Variants in UBE2V2 observed in about 807,000 individuals in gnomAD.
UBE2V2 encodes the protein ubiquitin-conjugating enzyme E2 variant 2.
UBE2V2 carries 9 observed loss-of-function variants against 17.2 expected under a neutral mutation model. The observed-to-expected ratio is 0.52, with a 90% confidence interval of 0.32 to 0.91. The LOEUF (loss-of-function observed/expected upper bound fraction) is 0.91, where lower values mean the gene tolerates loss of function less well. Ranked by LOEUF, UBE2V2 falls within the 40% of genes least tolerant of loss-of-function variation. The pLI is 0.04. For missense variants in UBE2V2, 133 were observed against 182.6 expected (o/e 0.73, Z 1.56); for synonymous variants, 61 against 57.5 (o/e 1.06, Z -0.28).
At chr8:48,009,805 TC>T (rs1215377013) in intron 1 of UBE2V2, among the ~76,000 whole-genome samples, 1 of 152,190 alleles carries the variant, frequency 6.6e-6, no homozygotes, top group Non-Finnish European at 1.5e-5. Flanking sequence ...GGTTTTAAGA[TC>T]TTTAGCAGTT....
At chr8:48,018,566 G>A (rs2091284917) in intron 1 of UBE2V2, among the ~76,000 whole-genome samples, 1 of 151,992 alleles carries the variant, frequency 6.6e-6, no homozygotes, top group Non-Finnish European at 1.5e-5. Flanking sequence ...TTATTTTGTG[G>A]CTTGACATAT....
intron 1 of UBE2V2, among the ~76,000 whole-genome samples, chr8:48,010,215 C>T (rs2091217915): frequency 3.3e-5 from 5 of 150,512 alleles, no homozygotes; most frequent in Admixed American, 3.3e-4. Flanking sequence ...AAATTATTAG[C>T]ATATTGTACA....
chr8:48,049,172 A>G (rs1188900058), intron 2 of UBE2V2, among the ~76,000 whole-genome samples: 3 of 152,214 alleles, frequency 2.0e-5, no homozygotes, highest in African/African-American at 7.2e-5. Flanking sequence ...CTGAATTCAG[A>G]TAATGGGATT....
intron 2 of UBE2V2, among the ~76,000 whole-genome samples, chr8:48,045,022 G>C (rs2091488452): frequency 1.3e-5 from 2 of 152,058 alleles, no homozygotes; most frequent in African/African-American, 4.8e-5. Context: ...TGCCATTCCT[G>C]GTGTCACCGA....
intron 2 of UBE2V2, among the ~76,000 whole-genome samples, chr8:48,048,626 T>G (rs2091515790): frequency 6.6e-6 from 1 of 152,216 alleles, no homozygotes. Flanking sequence ...ATGAGTTTTA[T>G]ATAGCTCTTT....
At chr8:48,021,782 G>C (rs1323055550) in intron 1 of UBE2V2, among the ~76,000 whole-genome samples, 1 of 151,734 alleles carries the variant, frequency 6.6e-6, no homozygotes, top group Non-Finnish European at 1.5e-5. Context: ...CTGCCTCCTG[G>C]GTTCGAGCAA....
intron 1 of UBE2V2, among the ~76,000 whole-genome samples, chr8:48,041,153 T>C (rs1029355713): frequency 2.7e-5 from 4 of 149,350 alleles, no homozygotes; most frequent in African/African-American, 9.8e-5. Flanking sequence ...CGTGAGCCAC[T>C]GTGCCCGGCC....
chr8:48,010,698 G>T (rs1450702283), intron 1 of UBE2V2, among the ~76,000 whole-genome samples: 251 of 98,666 alleles, frequency 2.5e-3, no homozygotes, highest in African/African-American at 8.2e-3. Flanking sequence ...GGGTTTGTTT[G>T]TTTTTTTTTT....
chr8:48,014,493 A>AAATTAGCC (rs2091254574), intron 1 of UBE2V2, among the ~76,000 whole-genome samples: 1 of 151,540 alleles, frequency 6.6e-6, no homozygotes, highest in South Asian at 2.1e-4. Flanking sequence ...AAAATACAAA[A>AAATTAGCC]AATTAGCCGA....
Position 48,027,494 on chromosome 8 carries a change from T to TTTTATTTA in UBE2V2, c.17-15530_17-15523dup, listed in dbSNP as rs1200121206. On this transcript the variant is annotated intron_variant, in intron 1 of 3. Coordinates refer to ENST00000523111, the MANE Select transcript of UBE2V2 (RefSeq NM_003350.3). The stretch of plus-strand genomic sequence containing the variant: ...AGTATCTTTTCATGTGCTTACTAGT[T>TTTTATTTA]TTTATTTATTTATTTAATTTTTTGA... Among the ~76,000 whole-genome samples the TTTTATTTA allele has an allele frequency of 3.9e-5, 6 of 152,252 alleles. No individual in the cohort carries two copies. The South Asian group carries it at 1.0e-3, about 26-fold the overall frequency.
upstream of UBE2V2, among the ~76,000 whole-genome samples, chr8:48,006,319 G>C (rs1334260376): frequency 6.6e-6 from 1 of 152,104 alleles, no homozygotes; most frequent in African/African-American, 2.4e-5. Flanking sequence ...AGATCAGATG[G>C]TTGTAGATAT....
intron 1 of UBE2V2, among the ~76,000 whole-genome samples, chr8:48,025,964 T>TAA (rs2091342663): frequency 6.6e-6 from 1 of 152,186 alleles, no homozygotes; most frequent in Non-Finnish European, 1.5e-5. Flanking sequence ...GGGAGTGTTT[T>TAA]AAGTGTTTGA....
intron 1 of UBE2V2, among the ~76,000 whole-genome samples, chr8:48,032,964 C>T (rs1476306630): frequency 6.6e-6 from 1 of 151,926 alleles, no homozygotes; most frequent in East Asian, 1.9e-4. Flanking sequence ...CATTTCTTTG[C>T]TGGATGAGTG....
chr8:48,049,760 C>T, intron 2 of UBE2V2, 93 bp from the exon 3 acceptor site: 1 of 1,142,834 alleles, frequency 8.8e-7, no homozygotes, highest in Non-Finnish European at 1.2e-6. Context: ...TACGTACATT[C>T]ATATTGTACT....
At chr8:48,019,848 G>T (rs1459579995) in intron 1 of UBE2V2, among the ~76,000 whole-genome samples, 1 of 152,056 alleles carries the variant, frequency 6.6e-6, no homozygotes, top group Non-Finnish European at 1.5e-5. Context: ...GGTGCCATAT[G>T]CCTATAATTC....
chr8:48,047,768 G>A (rs1346600186), intron 2 of UBE2V2, among the ~76,000 whole-genome samples: 3 of 151,952 alleles, frequency 2.0e-5, no homozygotes, highest in South Asian at 4.2e-4. Flanking sequence ...GGCTGGTCTC[G>A]AACTCCTGAC....
intron 1 of UBE2V2, among the ~76,000 whole-genome samples, chr8:48,027,404 A>AGTGG (rs2091352882): frequency 6.6e-6 from 1 of 152,108 alleles, no homozygotes; most frequent in African/African-American, 2.4e-5. Context: ...TAGCCATTCT[A>AGTGG]GTGGGTGTTA....
At chr8:48,007,043 G>C (rs2091188069), upstream of UBE2V2, among the ~76,000 whole-genome samples, 1 of 151,622 alleles carries the variant, frequency 6.6e-6, no homozygotes, top group Non-Finnish European at 1.5e-5. Flanking sequence ...ACCATGCCTG[G>C]CTAATTTTTT....
At chr8:48,031,119 G>A (rs189722029) in intron 1 of UBE2V2, among the ~76,000 whole-genome samples, 1 of 152,196 alleles carries the variant, frequency 6.6e-6, no homozygotes, top group East Asian at 1.9e-4. Flanking sequence ...TGAGCCAGGA[G>A]AAGCACTTGA....
Sources: gnomAD v4.1 joint callset for allele counts (sites outside exome capture counted in the v4.1 genomes callset) on GRCh38, gnomAD v4.1.1 for gene constraint, MANE v1.5 for transcripts, NCBI Gene and HGNC (gene_info 2026-07-23, HGNC 2026-07-21) for gene names.